Variants in EXT1 observed in about 807,000 individuals in gnomAD.
EXT1 encodes the protein exostosin-1.
Under a neutral mutation model 82.5 loss-of-function variants are expected in EXT1, and 20 were observed. That is an observed-to-expected ratio of 0.24 (90% CI 0.17 to 0.35). EXT1 has a LOEUF of 0.35. Among genes scored for constraint, EXT1 ranks in the 10% least tolerant of loss-of-function variants. The pLI is 1.00. For synonymous variants in EXT1, 348 were observed against 350.8 expected (o/e 0.99, Z 0.09); for missense variants, 757 against 936.5 (o/e 0.81, Z 2.50).
rs1349320691 is a variant in EXT1, at chr8:118,111,726, G to A, written c.-680C>T. On this transcript the variant is annotated 5_prime_UTR_variant, in exon 1 of 11. Transcript: ENST00000378204. ...GGCGGCGGCGGCGGCGCTGGGTGGC[G>A]GCGGCGGCGCGTCCTCCCCGCGGGC... is the stretch of plus-strand genomic sequence containing the variant. The A allele has an allele frequency of 6.8e-6, 1 of 148,044 alleles. No individual in the cohort carries two copies. Among genetic ancestry groups the A allele is most frequent in the Admixed American group, 6.8e-5 (1 of 14,812 alleles). The allele number at this position is 148,044 out of a possible 1,614,324, so 9.2% of individuals were successfully genotyped here.
At chr8:118,095,063 C>G (rs1817585987) in intron 1 of EXT1, among the ~76,000 whole-genome samples, 1 of 152,154 alleles carries the variant, frequency 6.6e-6, no homozygotes, top group Non-Finnish European at 1.5e-5. Context: ...AATCAGAGGT[C>G]TCTGTGTAGG....
At chr8:118,050,431 C>T (rs1265818964) in intron 1 of EXT1, among the ~76,000 whole-genome samples, 3 of 152,222 alleles carry the variant, frequency 2.0e-5, no homozygotes, top group African/African-American at 4.8e-5. Flanking sequence ...GGACTCTGTA[C>T]TGCCTGATTC....
intron 1 of EXT1, among the ~76,000 whole-genome samples, chr8:117,858,272 A>C (rs17503733): frequency 0.019 from 2,932 of 152,344 alleles, 96 homozygotes; most frequent in African/African-American, 0.068. Flanking sequence ...AATGCTATCA[A>C]ACAGCATTCT....
chr8:118,076,479 A>T (rs1022310718), intron 1 of EXT1, among the ~76,000 whole-genome samples: 1 of 152,250 alleles, frequency 6.6e-6, no homozygotes, highest in Non-Finnish European at 1.5e-5. Context: ...ATCACGCAGT[A>T]ATTATTCCTT....
intron 1 of EXT1, among the ~76,000 whole-genome samples, chr8:117,962,748 A>AC (rs1814726188): frequency 7.1e-6 from 1 of 140,324 alleles, no homozygotes; most frequent in African/African-American, 3.0e-5. Context: ...GAAAGACTCC[A>AC]TCCCCCCACA....
chr8:118,049,828 G>A (rs557562247), intron 1 of EXT1, among the ~76,000 whole-genome samples: 3 of 152,010 alleles, frequency 2.0e-5, no homozygotes, highest in Non-Finnish European at 4.4e-5. Flanking sequence ...CAGTTCTGAA[G>A]CTGGCGAAGG....
At chr8:117,870,107 A>T (rs1317901400) in intron 1 of EXT1, among the ~76,000 whole-genome samples, 6 of 152,230 alleles carry the variant, frequency 3.9e-5, no homozygotes, top group Non-Finnish European at 8.8e-5. Flanking sequence ...TTTAAAAAAA[A>T]AATTAGGAAA....
chr8:117,818,387 A>G (rs752458112), intron 7 of EXT1, 48 bp downstream of exon 7: 2 of 1,536,342 alleles, frequency 1.3e-6, no homozygotes, highest in Non-Finnish European at 1.8e-6. Context: ...CCATGGAGAA[A>G]CCAAGGCTCC....
chr8:117,984,078 T>G lies in EXT1; in HGVS notation c.962+126007A>C, dbSNP rs1295724002. ...CTATCCTACTTTCAGGAAGCCCACA[T>G]GCTACAGGGAAAGACAAATGACAAC... is the stretch of plus-strand genomic sequence containing the variant. On this transcript the variant is annotated intron_variant, in intron 1 of 10. Coordinates refer to ENST00000378204, the MANE Select transcript of EXT1 (RefSeq NM_000127.3). Among the ~76,000 whole-genome samples the G allele has an allele frequency of 4.6e-5, 7 of 152,208 alleles. No homozygotes were observed. The East Asian group carries it at 1.2e-3, about 25-fold the overall frequency.
intron 1 of EXT1, among the ~76,000 whole-genome samples, chr8:118,096,997 A>T (rs1403990505): frequency 6.6e-6 from 1 of 152,184 alleles, no homozygotes; most frequent in Non-Finnish European, 1.5e-5. Context: ...TCAGTCGGGC[A>T]TGGTGCTGAG....
At chr8:118,083,607 C>G (rs961673542) in intron 1 of EXT1, among the ~76,000 whole-genome samples, 15 of 152,160 alleles carry the variant, frequency 9.9e-5, no homozygotes, top group African/African-American at 3.6e-4. Context: ...TCCTAAGACG[C>G]CACACCCTTT....
In EXT1 at chr8:118,110,761, T is replaced by C; in HGVS notation, c.286A>G (p.Lys96Glu). ...AAGCAGGACTCCATGCGGCACTTCT[T>C]GCCTTTGTAGATGCTGGAGTTGGCA... Reference protein sequence around the residue: ...RDANSSIYKGKKCRMESCFDF... With the variant: ...RDANSSIYKGEKCRMESCFDF... Residue 96 changes from lysine (K) to glutamate (E), a missense_variant, in exon 1 of 11, where the codon AAG becomes GAG. By Grantham distance (56) the Lys-to-Glu change is moderately conservative. Transcript: ENST00000378204. 1 of 1,614,206 alleles carries C rather than the reference T, an allele frequency of 6.2e-7. No individual in the cohort carries two copies. The highest frequency in any genetic ancestry group is 8.5e-7 in the Non-Finnish European group (1 of 1,180,022).
At chr8:117,858,789 G>GC (rs1812619356) in intron 1 of EXT1, among the ~76,000 whole-genome samples, 1 of 120,234 alleles carries the variant, frequency 8.3e-6, no homozygotes, top group Non-Finnish European at 1.6e-5. Context: ...AGGCAGGCAG[G>GC]CAAGGCAAGG....
At position 118,110,723 on chromosome 8, in the gene EXT1, A is replaced by C. The variant is rs1409264207; in HGVS notation, c.324T>G (p.Leu108=). The C allele has an allele frequency of 6.2e-7, 1 of 1,614,122 alleles. No homozygotes were observed. The highest frequency in any genetic ancestry group is 8.5e-7 in the Non-Finnish European group (1 of 1,180,042). Residue 108 remains leucine, a synonymous_variant, in exon 1 of 11, where the codon CTT becomes CTG. Transcript: ENST00000378204. ...AGACTTTGAAGCCGTTTTTCTTGCA[A>C]AGGGTGAAATCGAAGCAGGACTCCA... The part of the protein sequence containing the change: ...CRMESCFDFT[L]CKKNGFKVYV...
chr8:118,081,165 C>T (rs145553935), intron 1 of EXT1, among the ~76,000 whole-genome samples: 16 of 152,212 alleles, frequency 1.1e-4, no homozygotes, highest in East Asian at 5.8e-4. Context: ...TTAAATGACA[C>T]GCAAAAGGAT....
At chr8:117,916,851 A>T (rs1813763249) in intron 1 of EXT1, among the ~76,000 whole-genome samples, 1 of 152,128 alleles carries the variant, frequency 6.6e-6, no homozygotes, top group African/African-American at 2.4e-5. Flanking sequence ...AGGTTGCCTT[A>T]AGCCAAGATA....
At chr8:117,937,587 A>G (rs1476774330) in intron 1 of EXT1, among the ~76,000 whole-genome samples, 2 of 152,264 alleles carry the variant, frequency 1.3e-5, no homozygotes, top group African/African-American at 4.8e-5. Flanking sequence ...AGAAGCCATG[A>G]CACAAAGCAA....
At chr8:118,062,720 C>T (rs571570829) in intron 1 of EXT1, among the ~76,000 whole-genome samples, 179 of 152,214 alleles carry the variant, frequency 1.2e-3, no homozygotes, top group African/African-American at 3.0e-3. Context: ...GGAAAAGGGA[C>T]GGTCCAGAAA....
intron 1 of EXT1, among the ~76,000 whole-genome samples, chr8:117,961,399 A>T (rs1398239116): frequency 1.3e-5 from 2 of 151,992 alleles, no homozygotes; most frequent in Non-Finnish European, 2.9e-5. Context: ...GCCTTAGGAT[A>T]AAAAAAATAG....
Sources: gnomAD v4.1 joint callset for allele counts (sites outside exome capture counted in the v4.1 genomes callset) on GRCh38, gnomAD v4.1.1 for gene constraint, MANE v1.5 for transcripts, NCBI Gene and HGNC (gene_info 2026-07-23, HGNC 2026-07-21) for gene names.